The following NLGN1 variants were observed in gnomAD, a reference collection of about 807,000 sequenced individuals.
NLGN1 encodes neuroligin-1.
NLGN1 carries 12 observed loss-of-function variants against 65.5 expected under a neutral mutation model. The observed-to-expected ratio is 0.18, with a 90% CI of 0.12 to 0.30. The LOEUF is 0.30. NLGN1 is among the 10% of genes least tolerant of loss of function. NLGN1 has a pLI of 1.00. For synonymous variants in NLGN1, 350 were observed against 359.5 expected (o/e 0.97, Z 0.30); for missense variants, 750 against 1,007.1 (o/e 0.74, Z 3.46).
chr3:174,280,644 C>T lies in NLGN1; in HGVS notation c.1813C>T (p.Leu605Phe). 1.2e-6 allele frequency: 2 copies of T among 1,613,256 alleles called. No homozygotes were observed. The highest frequency in any genetic ancestry group is 1.1e-5 in the South Asian group (1 of 91,068). ...ACATTACAGAGCCAATAAGGTGAAC[C>T]TCTGGTTGGAGTTGGTACCTCATCT... is the stretch of plus-strand genomic sequence containing the variant. The change falls in exon 7 of 7, where the codon CTC (leucine) becomes TTC (phenylalanine). Residue 605 changes from leucine to phenylalanine, a missense_variant. Transcript: ENST00000457714. The surrounding 1 kb of genome is among the most constrained non-coding windows in gnomAD (Gnocchi z 4.9).
chr3:173,413,149 C>T (rs545491950), intron 1 of NLGN1, among the ~76,000 whole-genome samples: 41 of 151,976 alleles, frequency 2.7e-4, no homozygotes, highest in Middle Eastern at 6.8e-3. Flanking sequence ...TTGGGGGAAG[C>T]GATGGACTAA....
At chr3:173,543,739 C>A (rs1042675792) in intron 2 of NLGN1, among the ~76,000 whole-genome samples, 2 of 152,036 alleles carry the variant, frequency 1.3e-5, no homozygotes, top group African/African-American at 4.8e-5. Flanking sequence ...TTATTGAACT[C>A]TAAATCTGTG....
At chr3:174,064,849 C>T (rs1224010725) in intron 4 of NLGN1, among the ~76,000 whole-genome samples, 1 of 150,262 alleles carries the variant, frequency 6.7e-6, no homozygotes, top group Non-Finnish European at 1.5e-5. Flanking sequence ...TATGGATATA[C>T]ATTATATTAA....
intron 3 of NLGN1, among the ~76,000 whole-genome samples, chr3:173,727,646 A>C (rs904271937): frequency 3.3e-5 from 5 of 152,114 alleles, no homozygotes; most frequent in African/African-American, 1.2e-4. Flanking sequence ...CACACCTTGC[A>C]AGGGCTGTAG....
chr3:174,288,505 C>A (rs906415596), downstream of NLGN1, among the ~76,000 whole-genome samples: 7 of 149,828 alleles, frequency 4.7e-5, no homozygotes, highest in East Asian at 2.0e-4. Flanking sequence ...CTTTTTTTTT[C>A]TTTTTATAGC....
chr3:173,492,194 G>A (rs1232875706), intron 2 of NLGN1, among the ~76,000 whole-genome samples: 6 of 151,766 alleles, frequency 4.0e-5, no homozygotes, highest in South Asian at 4.1e-4. Flanking sequence ...AAAAATGCAC[G>A]AAAAGTGTTT....
chr3:173,396,723 C>G (rs3752767), upstream of NLGN1: 26,580 of 152,194 alleles, frequency 0.17, 2,959 homozygotes, highest in East Asian at 0.48. Flanking sequence ...GTCCGCCGAG[C>G]TCCGGCGTTT....
intron 4 of NLGN1, among the ~76,000 whole-genome samples, chr3:174,010,314 G>A (rs1296838792): frequency 6.6e-6 from 1 of 152,094 alleles, no homozygotes; most frequent in Non-Finnish European, 1.5e-5. Flanking sequence ...TTTGCCAATT[G>A]CATGTAAATT....
rs1189697353 is a variant in NLGN1, at chr3:173,764,929, T to G, written c.494-42751T>G. Among the ~76,000 whole-genome samples, 5 of 152,126 alleles carry G rather than the reference T, an allele frequency of 3.3e-5. No homozygotes were observed. In the East Asian group the frequency reaches 9.6e-4, roughly 29 times the overall value. The stretch of plus-strand genomic sequence containing the variant: ...TGCAAGGGTGCCATCTGATATTTCT[T>G]GTTGGATAATTTCCATTTCTAACTT... On this transcript the variant is annotated intron_variant, in intron 3 of 6. Coordinates refer to ENST00000457714, the Ensembl canonical transcript of NLGN1.
intron 4 of NLGN1, among the ~76,000 whole-genome samples, chr3:173,946,499 A>C (rs965267770): frequency 5.9e-5 from 9 of 152,190 alleles, no homozygotes; most frequent in African/African-American, 2.2e-4. Context: ...ACAGTAATTT[A>C]CTTAACCCTC....
intron 2 of NLGN1, among the ~76,000 whole-genome samples, chr3:173,484,517 C>CT (rs2148981274): frequency 6.6e-6 from 1 of 152,116 alleles, no homozygotes; most frequent in South Asian, 2.1e-4. Context: ...AATTCACAGA[C>CT]TGAGTGTAGA....
intron 3 of NLGN1, among the ~76,000 whole-genome samples, chr3:173,718,484 A>G (rs1770257730): frequency 6.6e-6 from 1 of 152,226 alleles, no homozygotes; most frequent in South Asian, 2.1e-4. Flanking sequence ...GTCACAAATT[A>G]GTAAATCGAT....
intron 3 of NLGN1, among the ~76,000 whole-genome samples, chr3:173,676,263 T>C (rs1384879790): frequency 1.3e-5 from 2 of 152,116 alleles, no homozygotes; most frequent in Non-Finnish European, 2.9e-5. Context: ...TGACAGACTA[T>C]AGAATCTTAG....
At chr3:173,527,712 A>T (rs779215194) in intron 2 of NLGN1, among the ~76,000 whole-genome samples, 3 of 152,084 alleles carry the variant, frequency 2.0e-5, no homozygotes, top group Non-Finnish European at 4.4e-5. Flanking sequence ...TTTAAATTAT[A>T]TTATTAGATT....
intron 4 of NLGN1, among the ~76,000 whole-genome samples, chr3:173,924,075 T>C (rs1342580646): frequency 6.6e-6 from 1 of 152,132 alleles, no homozygotes; most frequent in Non-Finnish European, 1.5e-5. Context: ...AAAAACTGAT[T>C]GGAGAAACAG....
intron 2 of NLGN1, among the ~76,000 whole-genome samples, chr3:173,568,378 T>C (rs1203497672): frequency 6.6e-6 from 1 of 151,468 alleles, no homozygotes; most frequent in African/African-American, 2.4e-5. Context: ...GGATTACAGG[T>C]GCCCCCCACC....
chr3:173,951,379 ACT>A (rs1221726689), intron 4 of NLGN1, among the ~76,000 whole-genome samples: 1 of 151,686 alleles, frequency 6.6e-6, no homozygotes. Flanking sequence ...TATATTAATA[ACT>A]CTGAAGCCAC....
chr3:173,570,040 A>C (rs990267244), intron 2 of NLGN1, among the ~76,000 whole-genome samples: 1 of 152,216 alleles, frequency 6.6e-6, no homozygotes, highest in African/African-American at 2.4e-5. Context: ...AAATATGATA[A>C]AAGATAAGGA....
chr3:173,469,068 T>C (rs1482426565), intron 2 of NLGN1, among the ~76,000 whole-genome samples: 1 of 152,070 alleles, frequency 6.6e-6, no homozygotes, highest in East Asian at 1.9e-4. Flanking sequence ...AGATCAAATA[T>C]TCAGAAGAAA....
Sources: gnomAD v4.1 joint callset for allele counts (sites outside exome capture counted in the v4.1 genomes callset) on GRCh38, gnomAD v4.1.1 for gene constraint, Gnocchi (gnomAD v3.1) non-coding constraint, MANE v1.5 for transcripts, NCBI Gene and HGNC (gene_info 2026-07-23, HGNC 2026-07-21) for gene names.